The following NR1H4 variants were observed in gnomAD, a reference collection of about 807,000 sequenced individuals.
NR1H4 encodes bile acid receptor.
Under a neutral mutation model 58.5 loss-of-function variants are expected in NR1H4, and 23 were observed. The ratio of observed to expected loss-of-function variants is 0.39; its 90% confidence interval spans 0.28 to 0.56. NR1H4 has a LOEUF of 0.56. Among genes scored for constraint, NR1H4 ranks in the 20% least tolerant of loss-of-function variants. The pLI is 0.58. For missense variants in NR1H4, 487 were observed against 576.9 expected (o/e 0.84, Z 1.60); for synonymous variants, 214 against 198.0 (o/e 1.08, Z -0.68).
intron 4 of NR1H4, among the ~76,000 whole-genome samples, chr12:100,514,142 T>C (rs1050623347): frequency 2.0e-5 from 3 of 152,162 alleles, no homozygotes; most frequent in East Asian, 3.9e-4. Context: ...AACAATGAGA[T>C]TGGCTTTTTG....
At chr12:100,550,657 C>T (rs533459208) in intron 9 of NR1H4, among the ~76,000 whole-genome samples, 91 of 151,158 alleles carry the variant, frequency 6.0e-4, no homozygotes, top group Middle Eastern at 3.4e-3. Flanking sequence ...TGAGCCACCG[C>T]GCCTGGCCCA....
At chr12:100,563,093 G>A (rs1401699672) in intron 10 of NR1H4, among the ~76,000 whole-genome samples, 158 bp from the exon 11 acceptor site, 1 of 152,160 alleles carries the variant, frequency 6.6e-6, no homozygotes, top group Non-Finnish European at 1.5e-5. Flanking sequence ...ATAATTACGT[G>A]TGTGTGCATA....
chr12:100,534,163 G>T (rs1409209105), intron 5 of NR1H4, among the ~76,000 whole-genome samples: 3 of 152,208 alleles, frequency 2.0e-5, no homozygotes, highest in Non-Finnish European at 4.4e-5. Context: ...AAAGTGCTGG[G>T]ATTACAGGCG....
chr12:100,505,916 A>G (rs1953949244), intron 3 of NR1H4: 1 of 315,030 alleles, frequency 3.2e-6, no homozygotes, highest in African/African-American at 2.2e-5. Flanking sequence ...CACACAAACA[A>G]GAGAAAGGCT....
At chr12:100,509,449 G>A (rs1161426174) in intron 3 of NR1H4, among the ~76,000 whole-genome samples, 1 of 152,112 alleles carries the variant, frequency 6.6e-6, no homozygotes, top group East Asian at 1.9e-4. Flanking sequence ...AATAATGATG[G>A]TAGTAAGAAT....
At chr12:100,497,853 G>GTAATAAAA (rs1305381159) in intron 3 of NR1H4, among the ~76,000 whole-genome samples, 2 of 152,138 alleles carry the variant, frequency 1.3e-5, no homozygotes, top group African/African-American at 4.8e-5. Flanking sequence ...TTTACTTTTA[G>GTAATAAAA]CAAATTATGT....
intron 1 of NR1H4, among the ~76,000 whole-genome samples, chr12:100,475,112 T>C (rs924028488): frequency 7.2e-6 from 1 of 138,698 alleles, no homozygotes; most frequent in African/African-American, 2.7e-5. Flanking sequence ...CACACCTCAG[T>C]AAAGTGGTTT....
intron 4 of NR1H4, among the ~76,000 whole-genome samples, chr12:100,519,246 A>C (rs1954349761): frequency 7.5e-6 from 1 of 132,780 alleles, no homozygotes; most frequent in Non-Finnish European, 1.7e-5. Context: ...ACTTTATTTC[A>C]TTTTATTCAG....
At chr12:100,554,107 G>T (rs1213457066) in intron 9 of NR1H4, among the ~76,000 whole-genome samples, 1 of 152,196 alleles carries the variant, frequency 6.6e-6, no homozygotes, top group Non-Finnish European at 1.5e-5. Context: ...AGATGAATCG[G>T]TGTTATTAGT....
chr12:100,536,985 T>G lies in NR1H4; in HGVS notation c.869T>G (p.Ile290Ser). Reference sequence around the variant, plus strand: ...TTCAGTGCAGAAGAAAATTTTCTCATTTTGACGGAAATGGCAACCAATCAT... The same window carrying G: ...TTCAGTGCAGAAGAAAATTTTCTCAGTTTGACGGAAATGGCAACCAATCAT... ...EEFSAEENFL[I>S]LTEMATNHVQ... The change falls in exon 8 of 11, where the codon ATT becomes AGT. Residue 290 changes from isoleucine (I) to serine (S), a missense_variant. By Grantham distance (142) the Ile-to-Ser change is moderately radical (BLOSUM62 -2). Coordinates refer to ENST00000392986, the MANE Select transcript of NR1H4 (RefSeq NM_001206979.2). 6.2e-7 allele frequency: 1 copy of G among 1,603,306 alleles called. No individual in the cohort carries two copies. Among genetic ancestry groups the G allele is most frequent in the Non-Finnish European group, 8.5e-7 (1 of 1,176,226 alleles).
At chr12:100,520,608 C>T (rs1954390503) in intron 4 of NR1H4, among the ~76,000 whole-genome samples, 1 of 152,212 alleles carries the variant, frequency 6.6e-6, no homozygotes, top group Non-Finnish European at 1.5e-5. Context: ...CCTGCCAAAT[C>T]TGCACCTGCA....
intron 4 of NR1H4, among the ~76,000 whole-genome samples, chr12:100,532,003 C>T (rs1954704811): frequency 6.6e-6 from 1 of 152,154 alleles, no homozygotes; most frequent in Non-Finnish European, 1.5e-5. Flanking sequence ...ATCTGTGTGT[C>T]TGCTCTGCCG....
At chr12:100,525,110 A>G (rs954820058) in intron 4 of NR1H4, 2 of 152,096 alleles carry the variant, frequency 1.3e-5, no homozygotes, top group African/African-American at 2.4e-5. Context: ...CTCCAAAGCA[A>G]TTTTCACACC....
intron 3 of NR1H4, 150 bp from the exon 4 acceptor site, chr12:100,510,628 T>C (rs1485779530): frequency 2.5e-6 from 1 of 400,074 alleles, no homozygotes; most frequent in African/African-American, 2.1e-5. Context: ...TATATATATA[T>C]ATATATACTC....
Position 100,536,590 on chromosome 12 carries a change from C to T in NR1H4, c.811C>T (p.Gln271Ter). 6.4e-7 allele frequency: 1 copy of T among 1,557,240 alleles called. No individual in the cohort carries two copies. The highest frequency in any genetic ancestry group is 8.9e-7 in the Non-Finnish European group (1 of 1,128,376). The part of the protein sequence containing the change: ...MDSYNKQRMP[Q>*]EITNKILKEE... ...TTCATATAACAAACAGAGGATGCCT[C>T]AGGAAATAACAAATAAAATTGTATG... The change falls in exon 7 of 11, where the codon CAG becomes TAG. Residue 271 changes from glutamine to a stop codon, truncating the protein, a stop_gained. Coordinates refer to ENST00000392986, the MANE Select transcript of NR1H4 (RefSeq NM_001206979.2). LOFTEE classifies it high-confidence loss of function.
chr12:100,547,705 TTTTATTTA>T (rs146393173), intron 9 of NR1H4, among the ~76,000 whole-genome samples: 31,051 of 149,764 alleles, frequency 0.21, 3,463 homozygotes, highest in African/African-American at 0.29. Context: ...TATTCCTTTG[TTTTATTTA>T]TTTATTTATT....
chr12:100,528,239 G>T (rs917680280), intron 4 of NR1H4, among the ~76,000 whole-genome samples: 2 of 152,186 alleles, frequency 1.3e-5, no homozygotes, highest in Non-Finnish European at 1.5e-5. Context: ...TGAGAATAGG[G>T]TGTGGTATGT....
At chr12:100,519,078 G>A (rs1408329047) in intron 4 of NR1H4, among the ~76,000 whole-genome samples, 6 of 152,086 alleles carry the variant, frequency 3.9e-5, no homozygotes, top group African/African-American at 4.8e-5. Flanking sequence ...ATGAGCCACC[G>A]TGCCTGGCCT....
At chr12:100,559,808 T>C (rs1484516931) in intron 9 of NR1H4, among the ~76,000 whole-genome samples, 3 of 152,362 alleles carry the variant, frequency 2.0e-5, no homozygotes, top group East Asian at 3.9e-4. Flanking sequence ...CCTGCAGCCC[T>C]GGTGCCGGAT....
Sources: gnomAD v4.1 joint callset for allele counts (sites outside exome capture counted in the v4.1 genomes callset) on GRCh38, gnomAD v4.1.1 for gene constraint, MANE v1.5 for transcripts, NCBI Gene and HGNC (gene_info 2026-07-23, HGNC 2026-07-21) for gene names.